Variants in CSF3R observed in about 807,000 individuals in gnomAD.
CSF3R encodes colony stimulating factor 3 receptor.
In CSF3R, 52 loss-of-function variants were observed where a neutral mutation model predicts 84.4. The ratio of observed to expected loss-of-function variants is 0.62; its 90% confidence interval spans 0.49 to 0.78. The LOEUF is 0.78. CSF3R is among the 30% of genes least tolerant of loss of function. The pLI, the probability that CSF3R is intolerant of heterozygous loss-of-function variation, is 0.00. For missense variants in CSF3R, 890 were observed against 1,055.7 expected (o/e 0.84, Z 2.17); for synonymous variants, 384 against 429.1 (o/e 0.89, Z 1.30).
In CSF3R at chr1:36,467,241, T is replaced by C. The variant is rs763951831; in HGVS notation, c.2029A>G (p.Ile677Val). 1.2e-5 allele frequency: 19 copies of C among 1,614,024 alleles called. No individual in the cohort carries two copies. The South Asian group carries it at 1.8e-4, about 15-fold the overall frequency. The change falls in exon 16 of 17, where the codon ATC (isoleucine) becomes GTC (valine). Residue 677 changes from isoleucine to valine, a missense_variant. By Grantham distance (29) the Ile-to-Val change is conservative. Transcript: ENST00000373106. The surrounding 1 kb of genome is among the most constrained non-coding windows in gnomAD (Gnocchi z 4.1). ...TCCTGGATTCTCACCTCCTCCATGA[T>C]TGTGGGCACCCAGGAGCCCAGGCTG... is the stretch of plus-strand genomic sequence containing the variant. ...HSSLGSWVPTIMEEDAFQLPG... is the reference protein window; with the variant it reads ...HSSLGSWVPTVMEEDAFQLPG...
At position 36,466,305 on chromosome 1, in the gene CSF3R, A is replaced by T. The variant is rs1337334301; in HGVS notation, c.*52T>A. On this transcript the variant is annotated 3_prime_UTR_variant, in exon 17 of 17. Coordinates refer to ENST00000373106, the MANE Select transcript of CSF3R (RefSeq NM_000760.4). This position sits in a 1 kb window ranked among gnomAD's most constrained non-coding sequence, Gnocchi z 4.6. The stretch of plus-strand genomic sequence containing the variant: ...GCTTATGGACCCTCCCCTCTTCTCC[A>T]GCTAGCTCAGGCCTTTAAGAGGCAG... 2.5e-6 allele frequency: 4 copies of T among 1,611,668 alleles called. No individual in the cohort carries two copies. The African/African-American group carries it at 5.3e-5, about 22-fold the overall frequency.
At chr1:36,469,049 G>A in intron 12 of CSF3R, 107 bp downstream of exon 12, 1 of 818,602 alleles carries the variant, frequency 1.2e-6, no homozygotes, top group South Asian at 1.4e-5. Flanking sequence ...AGGGCTGGAA[G>A]TATGGTAGGA....
rs766974881 is a variant in CSF3R, at chr1:36,473,820, C to A, written c.429G>T (p.Gln143His). The change falls in exon 5 of 17, where the codon CAG (glutamine) becomes CAT (histidine). Residue 143 changes from glutamine (Q) to histidine (H), a missense_variant. Transcript: ENST00000373106. ...MNLTTSSLIC[Q>H]WEPGPETHLP... ...GGTGGGTCTCAGGTCCTGGCTCCCA[C>A]TGGCAGATGAGGCTGCTGGTTGTGA... is the stretch of plus-strand genomic sequence containing the variant. The A allele has an allele frequency of 6.2e-7, 1 of 1,614,140 alleles. No homozygotes were observed. The highest frequency in any genetic ancestry group is 1.3e-5 in the African/African-American group (1 of 74,950).
At position 36,467,410 on chromosome 1, in the gene CSF3R, G is replaced by A; in HGVS notation, c.1959-99C>T. Reference sequence around the variant, plus strand: ...ACCTGAAGAGGTGCAGCTGCCCTTAGTGCAGAGAGAAGAAGCTGGGGGCTG... The same window carrying A: ...ACCTGAAGAGGTGCAGCTGCCCTTAATGCAGAGAGAAGAAGCTGGGGGCTG... On this transcript the variant is annotated intron_variant, in intron 15 of 16. Coordinates refer to ENST00000373106, the MANE Select transcript of CSF3R (RefSeq NM_000760.4). This position sits in a 1 kb window ranked among gnomAD's most constrained non-coding sequence, Gnocchi z 4.1. The A allele has an allele frequency of 7.0e-7, 1 of 1,429,728 alleles. No individual in the cohort carries two copies. The highest frequency in any genetic ancestry group is 1.4e-5 in the African/African-American group (1 of 71,204). The allele number at this position is 1,429,728 out of a possible 1,614,324, so 88.6% of individuals were successfully genotyped here.
chr1:36,467,452 G>A lies in CSF3R; in HGVS notation c.1958+106C>T. 7.0e-7 allele frequency: 1 copy of A among 1,418,486 alleles called. No individual in the cohort carries two copies. The highest frequency in any genetic ancestry group is 1.0e-6 in the Non-Finnish European group (1 of 1,003,800). The allele number at this position is 1,418,486 out of a possible 1,614,324, so 87.9% of individuals were successfully genotyped here. A position where few individuals can be genotyped will look rare whatever the true frequency, so the allele number is the denominator to read the frequency against. On this transcript the variant is annotated intron_variant, in intron 15 of 16. Transcript: ENST00000373106. The surrounding 1 kb of genome is among the most constrained non-coding windows in gnomAD (Gnocchi z 4.1). Reference sequence around the variant, plus strand: ...TGGGGGCTGGGACTCTCAGACATGGGCCCCAAAGTTTGGGAAGGCTGGAAG... The same window carrying A: ...TGGGGGCTGGGACTCTCAGACATGGACCCCAAAGTTTGGGAAGGCTGGAAG...
At position 36,466,394 on chromosome 1, in the gene CSF3R, A is replaced by G; in HGVS notation, c.2474T>C (p.Ile825Thr). ...CAGCGCCTCCATCCCATGGACCCGG[A>G]TCCCCTGCAGGAGGGGGAAGTTGAG... is the stretch of plus-strand genomic sequence containing the variant. ...PLLNFPLLQG[I>T]RVHGMEALGS... Residue 825 changes from isoleucine to threonine, a missense_variant, in exon 17 of 17, where the codon ATC (isoleucine) becomes ACC (threonine). Transcript: ENST00000373106. The surrounding 1 kb of genome is among the most constrained non-coding windows in gnomAD (Gnocchi z 4.6). 7 of 1,613,494 alleles carry G rather than the reference A, an allele frequency of 4.3e-6. No individual in the cohort carries two copies. The highest frequency in any genetic ancestry group is 5.9e-6 in the Non-Finnish European group (7 of 1,179,980).
chr1:36,469,509 A>T, intron 11 of CSF3R, 143 bp downstream of exon 11: 1 of 1,038,886 alleles, frequency 9.6e-7, no homozygotes, highest in Non-Finnish European at 1.5e-6. Context: ...GATTATGAGG[A>T]TATGAAATGA....
Position 36,466,126 on chromosome 1 carries a change from CA to C in CSF3R, c.*230del. The C allele has an allele frequency of 6.2e-7, 1 of 1,614,166 alleles. No homozygotes were observed. The highest frequency in any genetic ancestry group is 8.5e-7 in the Non-Finnish European group (1 of 1,180,044). ...ATACTGAAGTTATAGGAAACAAGCA[CA>C]AAAGGCCATTGGGTGGGGCTGGATG... On this transcript the variant is annotated 3_prime_UTR_variant, in exon 17 of 17. Coordinates refer to ENST00000373106, the MANE Select transcript of CSF3R (RefSeq NM_000760.4). The surrounding 1 kb of genome is among the most constrained non-coding windows in gnomAD (Gnocchi z 4.6).
At position 36,467,969 on chromosome 1, in the gene CSF3R, G is replaced by A. The variant is rs375296663; in HGVS notation, c.1724-7C>T. 24 of 1,614,102 alleles carry A rather than the reference G, an allele frequency of 1.5e-5. No homozygotes were observed. Among genetic ancestry groups the A allele is most frequent in the East Asian group, 2.2e-5 (1 of 44,894 alleles). On this transcript the variant is annotated splice_region_variant and splice_polypyrimidine_tract_variant and intron_variant, in intron 13 of 16. Transcript: ENST00000373106. The surrounding 1 kb of genome is among the most constrained non-coding windows in gnomAD (Gnocchi z 4.1). ...GAGGCATTCAGGATGGCGGCTGGGA[G>A]GGGTGTACGGTCAGCATAGGCCTGG...
At chr1:36,468,544 T>C (rs1251714788) in intron 12 of CSF3R, 2 of 239,506 alleles carry the variant, frequency 8.4e-6, no homozygotes, top group African/African-American at 2.3e-5. Flanking sequence ...CAATTTCTTT[T>C]TGTTTTTGAG....
At position 36,479,078 on chromosome 1, in the gene CSF3R, G is replaced by T. The variant is rs1020720596; in HGVS notation, c.64+355C>A. The T allele has an allele frequency of 8.0e-6, 3 of 376,870 alleles. No homozygotes were observed. In the East Asian group the frequency reaches 1.8e-4, roughly 23 times the overall value. 23.3% of individuals were successfully genotyped at this position (376,870 alleles called of 1,614,324 possible). A position where few individuals can be genotyped will look rare whatever the true frequency, so the allele number is the denominator to read the frequency against. On this transcript the variant is annotated intron_variant, in intron 3 of 16. Coordinates refer to ENST00000373106, the MANE Select transcript of CSF3R (RefSeq NM_000760.4). The stretch of plus-strand genomic sequence containing the variant: ...GCTCTGCCTGGGCTTCTTTATTTCA[G>T]GATGAAACCTGTCCCCTTGTAGCTT...
chr1:36,475,254 G>C (rs1651052387), intron 4 of CSF3R, 123 bp downstream of exon 4: 3 of 1,212,248 alleles, frequency 2.5e-6, no homozygotes. Context: ...TGATCCGCCT[G>C]CCTCGGCCTC....
Position 36,473,860 on chromosome 1 carries a change from G to A in CSF3R, c.389C>T (p.Ser130Phe). 1.2e-6 allele frequency: 2 copies of A among 1,614,246 alleles called. No homozygotes were observed. The highest frequency in any genetic ancestry group is 2.7e-5 in the African/African-American group (2 of 75,074). Reference protein sequence around the residue: ...GYPPAIPHNLSCLMNLTTSSL... With the variant: ...GYPPAIPHNLFCLMNLTTSSL... ...GCTGGTTGTGAGGTTCATGAGGCAG[G>A]AGAGGTTGTGGGGTATGGCTGGAGG... Residue 130 changes from serine to phenylalanine, a missense_variant, in exon 5 of 17, where the codon TCC (serine) becomes TTC (phenylalanine). Coordinates refer to ENST00000373106, the MANE Select transcript of CSF3R (RefSeq NM_000760.4).
intron 11 of CSF3R, among the ~76,000 whole-genome samples, 179 bp from the exon 12 acceptor site, chr1:36,469,436 A>G (rs1557589534): frequency 6.6e-6 from 1 of 152,232 alleles, no homozygotes; most frequent in Non-Finnish European, 1.5e-5. Context: ...AGAGAGAGCT[A>G]GAAGGGTGGC....
intron 9 of CSF3R, 21 bp from the exon 10 acceptor site, chr1:36,471,667 AAG>A (rs748887638): frequency 1.2e-6 from 2 of 1,612,330 alleles, no homozygotes; most frequent in Admixed American, 3.3e-5. Context: ...CAGGAGGAAA[AAG>A]AGAAGGGGAT....
chr1:36,467,126 C>T lies in CSF3R; in HGVS notation c.2040+104G>A, dbSNP rs1192960980. On this transcript the variant is annotated intron_variant, in intron 16 of 16. Transcript: ENST00000373106. The surrounding 1 kb of genome is among the most constrained non-coding windows in gnomAD (Gnocchi z 4.1). The stretch of plus-strand genomic sequence containing the variant: ...TCAGTCCAAAGGGACGAGATGTTGC[C>T]GGAAGTGACAGGAAGGCCTGAGTAC... 9.3e-5 allele frequency: 128 copies of T among 1,374,186 alleles called. No individual in the cohort carries two copies. In the South Asian group the frequency reaches 9.5e-4, roughly 10 times the overall value. The allele number at this position is 1,374,186 out of a possible 1,614,324, so 85.1% of individuals were successfully genotyped here.
chr1:36,471,313 C>T (rs1426592661), intron 10 of CSF3R, 120 bp downstream of exon 10: 2 of 1,015,082 alleles, frequency 2.0e-6, no homozygotes, highest in East Asian at 4.7e-5. Context: ...TCCCAAAGTG[C>T]TGGGATTACA....
intron 2 of CSF3R, among the ~76,000 whole-genome samples, chr1:36,480,778 G>A (rs1448264074): frequency 6.6e-6 from 1 of 152,118 alleles, no homozygotes; most frequent in Non-Finnish European, 1.5e-5. Context: ...TGCTCACAGG[G>A]GTCTTACCCA....
At chr1:36,479,831 C>G (rs893265828) in intron 2 of CSF3R, among the ~76,000 whole-genome samples, 2 of 152,192 alleles carry the variant, frequency 1.3e-5, no homozygotes, top group Admixed American at 6.5e-5. Context: ...TCCCAGCTAT[C>G]TAAGCTAGGC....
Sources: allele counts gnomAD v4.1 joint callset (sites outside exome capture counted in the v4.1 genomes callset), GRCh38; gene constraint gnomAD v4.1.1; non-coding constraint Gnocchi (gnomAD v3.1); transcripts MANE v1.5; gene names NCBI Gene and HGNC (gene_info 2026-07-23, HGNC 2026-07-21).